Variants in UFD1 observed in about 807,000 individuals in gnomAD.
UFD1 encodes the protein ubiquitin recognition factor in ER-associated degradation protein 1.
In UFD1, 13 loss-of-function variants were observed where a neutral mutation model predicts 45.9. The ratio of observed to expected loss-of-function variants is 0.28; its 90% CI spans 0.18 to 0.45. The LOEUF (loss-of-function observed/expected upper bound fraction) is 0.45, where lower values mean the gene tolerates loss of function less well. UFD1 is among the 20% of genes least tolerant of loss of function. The probability of loss-of-function intolerance (pLI) is 1.00; values close to 1 mark genes in which losing one functional copy is unlikely to be tolerated. For synonymous variants in UFD1, 128 were observed against 139.2 expected (o/e 0.92, Z 0.56); for missense variants, 218 against 389.2 (o/e 0.56, Z 3.70).
intron 6 of UFD1, among the ~76,000 whole-genome samples, chr22:19,458,662 C>T (rs1434275498): frequency 1.3e-5 from 2 of 152,060 alleles, no homozygotes; most frequent in Non-Finnish European, 2.9e-5. Context: ...AGGCTGGTCT[C>T]GAACTCCTGA....
chr22:19,457,818 A>C (rs2089734660), intron 7 of UFD1, among the ~76,000 whole-genome samples: 1 of 152,138 alleles, frequency 6.6e-6, no homozygotes, highest in Admixed American at 6.5e-5. Context: ...TCTCAAAAAA[A>C]AAAAGAATAT....
intron 11 of UFD1, chr22:19,454,002 T>C: frequency 1.0e-6 from 1 of 985,710 alleles, no homozygotes; most frequent in Non-Finnish European, 1.2e-6. Context: ...TCCCACAAAG[T>C]GCCCATGTCT....
At chr22:19,463,719 G>T (rs183159274) in intron 6 of UFD1, among the ~76,000 whole-genome samples, 41 of 152,330 alleles carry the variant, frequency 2.7e-4, no homozygotes, top group Non-Finnish European at 5.3e-4. Context: ...ATGGCCATCT[G>T]CCCTCAGGGC....
At chr22:19,459,158 ACTGT>A (rs1601890289) in intron 6 of UFD1, among the ~76,000 whole-genome samples, 1 of 152,224 alleles carries the variant, frequency 6.6e-6, no homozygotes, top group South Asian at 2.1e-4. Flanking sequence ...ATGGTCAGGG[ACTGT>A]CTGTATACTC....
intron 6 of UFD1, among the ~76,000 whole-genome samples, chr22:19,464,697 G>A (rs1182553651): frequency 6.6e-6 from 1 of 152,246 alleles, no homozygotes; most frequent in East Asian, 1.9e-4. Context: ...GGAGGTGGAG[G>A]AGGATGTGGG....
intron 11 of UFD1, chr22:19,452,049 A>G (rs969912658): frequency 6.3e-5 from 39 of 617,162 alleles, no homozygotes; most frequent in Non-Finnish European, 7.7e-5. Flanking sequence ...CCTTTTTTCT[A>G]ATCTCATATT....
rs2089673270 is a variant in UFD1, at chr22:19,450,621, T to C, written c.*49A>G. On this transcript the variant is annotated 3_prime_UTR_variant, in exon 12 of 12. Coordinates refer to ENST00000263202, the MANE Select transcript of UFD1 (RefSeq NM_005659.7). ...CAGTGCCAGTAACTAAAAGCCAAGA[T>C]GTTGCAAATGATTCTTTTATTATTT... 1 of 1,610,764 alleles carries C rather than the reference T, an allele frequency of 6.2e-7. No homozygotes were observed. Among genetic ancestry groups the C allele is most frequent in the Admixed American group, 1.7e-5 (1 of 59,966 alleles).
At chr22:19,454,468 A>C in intron 11 of UFD1, 2 of 733,592 alleles carry the variant, frequency 2.7e-6, no homozygotes, top group Non-Finnish European at 3.8e-6. Context: ...TGATGGTTTT[A>C]TAAGTAGGTG....
At chr22:19,468,094 T>C in intron 4 of UFD1, 91 bp from the exon 5 acceptor site, 2 of 1,521,782 alleles carry the variant, frequency 1.3e-6, no homozygotes, top group Non-Finnish European at 1.8e-6. Context: ...CCCGTCTTAC[T>C]TGGGTCCTTG....
chr22:19,462,327 G>A (rs1050078474), intron 6 of UFD1, among the ~76,000 whole-genome samples: 1 of 151,906 alleles, frequency 6.6e-6, no homozygotes, highest in Non-Finnish European at 1.5e-5. Flanking sequence ...TAACTTTATT[G>A]AATTGTAAAC....
intron 9 of UFD1, 88 bp from the exon 10 acceptor site, chr22:19,455,856 TG>T: frequency 1.6e-6 from 2 of 1,285,630 alleles, no homozygotes; most frequent in Admixed American, 3.5e-5. Flanking sequence ...GGATGTGAGC[TG>T]GGGGTGCTGT....
chr22:19,479,000 TCCCGC>T, intron 1 of UFD1, 78 bp downstream of exon 1: 2 of 1,478,068 alleles, frequency 1.4e-6, no homozygotes, highest in Admixed American at 2.2e-5. Context: ...TCCGCCGCCG[TCCCGC>T]CCCGCCCTGC....
At chr22:19,451,334 T>A (rs2089681124) in intron 11 of UFD1, 1 of 985,426 alleles carries the variant, frequency 1.0e-6, no homozygotes, top group Admixed American at 6.1e-5. Flanking sequence ...CAGTGGACAT[T>A]GTTGTGGTAA....
At chr22:19,463,741 G>C (rs1403277787) in intron 6 of UFD1, among the ~76,000 whole-genome samples, 1 of 152,328 alleles carries the variant, frequency 6.6e-6, no homozygotes, top group Non-Finnish European at 1.5e-5. Flanking sequence ...ACCCAGCTTA[G>C]AGTGTTTAAA....
rs2089925075 is a variant in UFD1 at position 19,479,086 on chromosome 22, G to T, written c.-1C>A. ...CCCGCTGCCCGTCAGCGCTTACCAT[G>T]ATGGACACCACCTGGCAGACTCCGC... On this transcript the variant is annotated 5_prime_UTR_variant, in exon 1 of 12. Transcript: ENST00000263202. The T allele has an allele frequency of 5.0e-6, 8 of 1,610,784 alleles. No homozygotes were observed. The highest frequency in any genetic ancestry group is 6.8e-6 in the Non-Finnish European group (8 of 1,178,884).
chr22:19,451,728 C>T (rs996750863), intron 11 of UFD1: 3 of 985,464 alleles, frequency 3.0e-6, no homozygotes, highest in African/African-American at 3.5e-5. Context: ...GTCACAGCTG[C>T]ATTTAGTCTT....
At chr22:19,474,439 G>C (rs897191015) in intron 3 of UFD1, among the ~76,000 whole-genome samples, 2 of 152,094 alleles carry the variant, frequency 1.3e-5, no homozygotes, top group Non-Finnish European at 2.9e-5. Context: ...CCAGCTACTC[G>C]GGAGGCTGAG....
chr22:19,479,049 G>A, intron 1 of UFD1, 34 bp downstream of exon 1: 1 of 1,605,306 alleles, frequency 6.2e-7, no homozygotes, highest in Non-Finnish European at 8.5e-7. Flanking sequence ...CCGGGCCAAG[G>A]CCCAGCCCCC....
At chr22:19,470,480 C>T (rs971427507) in intron 4 of UFD1, among the ~76,000 whole-genome samples, 6 of 150,790 alleles carry the variant, frequency 4.0e-5, no homozygotes, top group Non-Finnish European at 7.4e-5. Context: ...CTCGCTCTGT[C>T]GCCCAGGCTG....
Sources: allele counts gnomAD v4.1 joint callset (sites outside exome capture counted in the v4.1 genomes callset), GRCh38; gene constraint gnomAD v4.1.1; transcripts MANE v1.5; gene names NCBI Gene and HGNC (gene_info 2026-07-23, HGNC 2026-07-21).